The following ZFPM2 variants were observed in gnomAD, a reference collection of about 807,000 sequenced individuals.
ZFPM2 encodes the protein zinc finger protein, FOG family member 2.
In ZFPM2, 20 loss-of-function variants were observed where a neutral mutation model predicts 98.6. The observed-to-expected ratio is 0.20, with a 90% CI of 0.14 to 0.29. The LOEUF (loss-of-function observed/expected upper bound fraction) is 0.29, where lower values mean the gene tolerates loss of function less well. Among genes scored for constraint, ZFPM2 ranks in the 10% least tolerant of loss-of-function variants. The pLI is 1.00. For synonymous variants in ZFPM2, 518 were observed against 502.7 expected (o/e 1.03, Z -0.41); for missense variants, 1,310 against 1,388.6 (o/e 0.94, Z 0.90).
intron 5 of ZFPM2, among the ~76,000 whole-genome samples, chr8:105,738,654 CT>C (rs1217772941): frequency 6.6e-6 from 1 of 152,004 alleles, no homozygotes; most frequent in Non-Finnish European, 1.5e-5. Flanking sequence ...TATAGCATTC[CT>C]TTTCTCCACA....
At chr8:105,795,246 TTGTG>T (rs780534248) in intron 6 of ZFPM2, among the ~76,000 whole-genome samples, 2,396 of 138,268 alleles carry the variant, frequency 0.017, 54 homozygotes, top group African/African-American at 0.052. Flanking sequence ...CATTTTATCT[TTGTG>T]TGTGTGTGTG....
At chr8:105,386,930 G>C (rs1586334626) in intron 1 of ZFPM2, among the ~76,000 whole-genome samples, 1 of 152,292 alleles carries the variant, frequency 6.6e-6, no homozygotes, top group East Asian at 1.9e-4. Context: ...ACCAGAGTAG[G>C]TAGATACAGA....
intron 3 of ZFPM2, among the ~76,000 whole-genome samples, chr8:105,523,643 C>T (rs1474296988): frequency 1.3e-5 from 2 of 152,132 alleles, no homozygotes; most frequent in African/African-American, 4.8e-5. Context: ...ATTACTGCAC[C>T]CCCCTACCTC....
At chr8:105,717,970 C>G (rs1235296654) in intron 5 of ZFPM2, among the ~76,000 whole-genome samples, 1 of 151,900 alleles carries the variant, frequency 6.6e-6, no homozygotes, top group East Asian at 1.9e-4. Flanking sequence ...CTGGCTCCTA[C>G]TACCGAGAGA....
intron 1 of ZFPM2, among the ~76,000 whole-genome samples, chr8:105,393,196 T>A (rs1399104442): frequency 9.2e-5 from 14 of 152,144 alleles, no homozygotes; most frequent in Admixed American, 9.2e-4. Flanking sequence ...TTTTTATTGC[T>A]CTTAAACCAT....
intron 4 of ZFPM2, among the ~76,000 whole-genome samples, chr8:105,584,573 C>A (rs1815672756): frequency 6.6e-6 from 1 of 152,116 alleles, no homozygotes; most frequent in African/African-American, 2.4e-5. Flanking sequence ...ACTTCACAGT[C>A]CAACAAGTCA....
At chr8:105,762,042 A>C (rs1812744206) in intron 5 of ZFPM2, among the ~76,000 whole-genome samples, 1 of 152,018 alleles carries the variant, frequency 6.6e-6, no homozygotes, top group Admixed American at 6.6e-5. Context: ...TCATAGCATA[A>C]GTTAATTCAT....
chr8:105,566,909 AT>A (rs1484723830), intron 4 of ZFPM2, among the ~76,000 whole-genome samples: 1 of 151,976 alleles, frequency 6.6e-6, no homozygotes, highest in African/African-American at 2.4e-5. Context: ...GTGATACTGA[AT>A]TTTTTTTAAA....
intron 1 of ZFPM2, among the ~76,000 whole-genome samples, chr8:105,352,010 G>C (rs989716152): frequency 1.3e-5 from 2 of 152,122 alleles, no homozygotes; most frequent in African/African-American, 4.8e-5. Flanking sequence ...CTTGAGAGGG[G>C]CACCCAGGAT....
chr8:105,621,893 C>T (rs1563746844), intron 4 of ZFPM2, among the ~76,000 whole-genome samples: 1 of 152,016 alleles, frequency 6.6e-6, no homozygotes, highest in Non-Finnish European at 1.5e-5. Flanking sequence ...TGCATGTGCA[C>T]AATGTGCAGG....
At chr8:105,393,336 G>T (rs1354910338) in intron 1 of ZFPM2, among the ~76,000 whole-genome samples, 697 of 34,120 alleles carry the variant, frequency 0.02, 15 homozygotes, top group African/African-American at 0.078. Context: ...CTCTCTCTTT[G>T]CCTTTCTTTC....
Position 105,801,232 on chromosome 8 carries a change from C to G in ZFPM2, c.1150C>G (p.Leu384Val). 5 of 1,613,996 alleles carry G rather than the reference C, an allele frequency of 3.1e-6. No homozygotes were observed. The highest frequency in any genetic ancestry group is 3.4e-6 in the Non-Finnish European group (4 of 1,179,888). The change falls in exon 8 of 8, where the codon CTC (leucine) becomes GTC (valine). Residue 384 changes from leucine to valine, a missense_variant. Physicochemically the swap from Leu to Val is conservative, Grantham distance 32 (BLOSUM62 1). Coordinates refer to ENST00000407775, the MANE Select transcript of ZFPM2 (RefSeq NM_012082.4). Reference protein sequence around the residue: ...TQRELLQHQELHVPSGKLPRE... With the variant: ...TQRELLQHQEVHVPSGKLPRE... ...GAGGGAGTTATTGCAGCACCAGGAG[C>G]TCCATGTCCCTAGCGGCAAACTTCC...
intron 1 of ZFPM2, among the ~76,000 whole-genome samples, chr8:105,321,180 A>G (rs1385089316): frequency 1.3e-5 from 2 of 152,194 alleles, no homozygotes; most frequent in African/African-American, 4.8e-5. Flanking sequence ...AAGTCATTTT[A>G]GTTGCAATCT....
At chr8:105,438,758 G>A (rs922276323) in intron 2 of ZFPM2, among the ~76,000 whole-genome samples, 1 of 152,046 alleles carries the variant, frequency 6.6e-6, no homozygotes, top group African/African-American at 2.4e-5. Flanking sequence ...GTATCACAGG[G>A]TCATATCAGT....
At chr8:105,468,627 A>G (rs1460374691) in intron 3 of ZFPM2, among the ~76,000 whole-genome samples, 1 of 152,010 alleles carries the variant, frequency 6.6e-6, no homozygotes, top group African/African-American at 2.4e-5. Context: ...TTACTGTGAG[A>G]TGGGGAGTAG....
chr8:105,469,057 C>G (rs1812848034), intron 3 of ZFPM2, among the ~76,000 whole-genome samples: 3 of 151,952 alleles, frequency 2.0e-5, no homozygotes. Flanking sequence ...ATGGGGCAGC[C>G]CAGAGAGCTC....
At chr8:105,550,953 T>C (rs1010073184) in intron 3 of ZFPM2, among the ~76,000 whole-genome samples, 1 of 152,208 alleles carries the variant, frequency 6.6e-6, no homozygotes, top group Non-Finnish European at 1.5e-5. Context: ...CGTGAAGATA[T>C]GCGATTGTTA....
intron 3 of ZFPM2, among the ~76,000 whole-genome samples, chr8:105,510,455 T>A (rs1239515421): frequency 6.6e-6 from 1 of 151,868 alleles, no homozygotes. Context: ...ATTTGGAATC[T>A]TCTCTTGGAG....
intron 5 of ZFPM2, among the ~76,000 whole-genome samples, chr8:105,728,853 A>G (rs545529361): frequency 1.3e-5 from 2 of 151,756 alleles, no homozygotes; most frequent in Admixed American, 6.6e-5. Context: ...CTCTCCTCCA[A>G]CCCTTTGCCA....
Sources: gnomAD v4.1 joint callset for allele counts (sites outside exome capture counted in the v4.1 genomes callset) on GRCh38, gnomAD v4.1.1 for gene constraint, MANE v1.5 for transcripts, NCBI Gene and HGNC (gene_info 2026-07-23, HGNC 2026-07-21) for gene names.